GEMIN7: variants seen among roughly 807,000 people sequenced by gnomAD.
The protein encoded by GEMIN7 is gem-associated protein 7.
Under a neutral mutation model 7.8 loss-of-function variants are expected in GEMIN7, and 7 were observed. The observed-to-expected ratio is 0.90, with a 90% CI of 0.51 to 1.69. The LOEUF (loss-of-function observed/expected upper bound fraction) is 1.69, where lower values mean the gene tolerates loss of function less well. Among genes scored for constraint, GEMIN7 ranks in the 40% most tolerant of loss-of-function variants. GEMIN7 has a pLI of 0.00. For missense variants in GEMIN7, 159 were observed against 176.2 expected, an observed-to-expected ratio of 0.90 and a Z score of 0.55; for synonymous variants, 68 against 72.4, an observed-to-expected ratio of 0.94 and a Z score of 0.31.
chr19:45,089,102 C>T (rs1257380049), intron 2 of GEMIN7, among the ~76,000 whole-genome samples: 1 of 152,088 alleles, frequency 6.6e-6, no homozygotes, highest in Non-Finnish European at 1.5e-5. Context: ...ACACCACACC[C>T]GGCTAATTTT....
upstream of GEMIN7, among the ~76,000 whole-genome samples, chr19:45,077,907 TTAAA>T (rs1967388172): frequency 1.3e-5 from 2 of 152,152 alleles, no homozygotes; most frequent in Admixed American, 1.3e-4. Flanking sequence ...AAAATTATTT[TTAAA>T]TAGAGACAGG....
chr19:45,090,307 C>A lies in GEMIN7; in HGVS notation c.193C>A (p.Arg65Ser), dbSNP rs977717051. The change falls in exon 3 of 3, where the codon CGT becomes AGT. Residue 65 changes from arginine to serine, a missense_variant. Transcript: ENST00000270257. ...GCGGGCACGAGCCGCCCTTCGGGAG[C>A]GTTACCTCCGCAGCCTGCTGGCCAT... Reference protein sequence around the residue: ...EQRARAALRERYLRSLLAMVG... With the variant: ...EQRARAALRESYLRSLLAMVG... The A allele has an allele frequency of 1.2e-6, 2 of 1,614,052 alleles. No homozygotes were observed. Among genetic ancestry groups the A allele is most frequent in the Non-Finnish European group, 1.7e-6 (2 of 1,180,044 alleles).
At chr19:45,078,097 C>CTTTTTTTTTTTT (rs57149861), upstream of GEMIN7, among the ~76,000 whole-genome samples, 1 of 96,656 alleles carries the variant, frequency 1.0e-5, no homozygotes, top group African/African-American at 4.3e-5. Context: ...TTATTTTACT[C>CTTTTTTTTTTTT]TTTTTTTTTT....
At chr19:45,083,816 C>T (rs1335181057) in intron 2 of GEMIN7, among the ~76,000 whole-genome samples, 1 of 151,756 alleles carries the variant, frequency 6.6e-6, no homozygotes, top group Non-Finnish European at 1.5e-5. Flanking sequence ...CCAAGCTGGT[C>T]TCAAATTCCT....
intron 2 of GEMIN7, among the ~76,000 whole-genome samples, chr19:45,082,289 T>A (rs1967529350): frequency 6.6e-6 from 1 of 152,234 alleles, no homozygotes; most frequent in East Asian, 1.9e-4. Context: ...TCCTTCTGAC[T>A]GGAATCTCCA....
At chr19:45,081,285 C>T (rs1967495432) in intron 2 of GEMIN7, among the ~76,000 whole-genome samples, 4 of 152,048 alleles carry the variant, frequency 2.6e-5, no homozygotes, top group African/African-American at 7.2e-5. Flanking sequence ...GGCCAAACCG[C>T]GTCTCTACTA....
intron 2 of GEMIN7, among the ~76,000 whole-genome samples, chr19:45,089,183 T>C (rs1344089930): frequency 2.6e-5 from 4 of 151,934 alleles, no homozygotes; most frequent in Non-Finnish European, 5.9e-5. Flanking sequence ...CTCAAGTGAT[T>C]CGCCCACCTT....
chr19:45,083,251 C>T (rs1404737296), intron 2 of GEMIN7, among the ~76,000 whole-genome samples: 1 of 152,186 alleles, frequency 6.6e-6, no homozygotes, highest in African/African-American at 2.4e-5. Context: ...AGATGTAGAC[C>T]AGCCTGGCCA....
chr19:45,087,741 A>G (rs1889696148), intron 2 of GEMIN7, among the ~76,000 whole-genome samples: 1 of 152,028 alleles, frequency 6.6e-6, no homozygotes. Context: ...GAGGGATATG[A>G]TCTGACTCAG....
chr19:45,090,658 C>A lies in GEMIN7; in HGVS notation c.*148C>A. The A allele has an allele frequency of 1.5e-6, 1 of 680,108 alleles. No homozygotes were observed. Among genetic ancestry groups the A allele is most frequent in the African/African-American group, 1.8e-5 (1 of 55,242 alleles). The allele number at this position is 680,108 out of a possible 1,614,324, so 42.1% of individuals were successfully genotyped here. On this transcript the variant is annotated 3_prime_UTR_variant, in exon 3 of 3. Transcript: ENST00000270257. ...TTTAAGCAAGTCTGGACTCCTGAGA[C>A]CTCCTGGGTCTAGTCAGTAAAATTC...
In GEMIN7 at chr19:45,091,160, G is replaced by A. The variant is rs1600148550; in HGVS notation, c.*650G>A. The A allele has an allele frequency of 6.0e-6, 1 of 167,300 alleles. No homozygotes were observed. Among genetic ancestry groups the A allele is most frequent in the South Asian group, 2.1e-4 (1 of 4,860 alleles). The allele number at this position is 167,300 out of a possible 1,614,324, so 10.4% of individuals were successfully genotyped here. A position where few individuals can be genotyped will look rare whatever the true frequency, so the allele number is the denominator to read the frequency against. On this transcript the variant is annotated 3_prime_UTR_variant, in exon 3 of 3. Transcript: ENST00000270257. ...TGGGGCGGGCGGTGGCTCGTGCTGG[G>A]TCACGTGGTCGTGCCCAAGCGCTCC...
At chr19:45,076,263 C>G, upstream of GEMIN7, 2 of 1,499,230 alleles carry the variant, frequency 1.3e-6, no homozygotes, top group Non-Finnish European at 1.8e-6. The surrounding 1 kb of genome is among the most constrained non-coding windows in gnomAD (Gnocchi z 4.9). Flanking sequence ...GCGCGTCTGG[C>G]TCGGGCTTGA....
chr19:45,089,170 G>A (rs1967807708), intron 2 of GEMIN7, among the ~76,000 whole-genome samples: 1 of 152,000 alleles, frequency 6.6e-6, no homozygotes, highest in Non-Finnish European at 1.5e-5. Flanking sequence ...TCGAATTCCT[G>A]ACCTCAAGTG....
intron 2 of GEMIN7, among the ~76,000 whole-genome samples, chr19:45,084,017 C>A (rs1967592017): frequency 6.6e-6 from 1 of 151,542 alleles, no homozygotes; most frequent in Admixed American, 6.6e-5. Context: ...TCAAGACCAG[C>A]CTGGCCAACA....
At chr19:45,089,612 C>A (rs977594066) in intron 2 of GEMIN7, among the ~76,000 whole-genome samples, 1 of 152,202 alleles carries the variant, frequency 6.6e-6, no homozygotes, top group Non-Finnish European at 1.5e-5. Context: ...TTACAGCTCA[C>A]TGCAGCCTCC....
upstream of GEMIN7, chr19:45,076,404 G>T (rs1291081565): frequency 1.9e-5 from 23 of 1,226,416 alleles, no homozygotes; most frequent in Non-Finnish European, 2.3e-5. This position sits in a 1 kb window ranked among gnomAD's most constrained non-coding sequence, Gnocchi z 4.9. Context: ...GAGCGGGCGG[G>T]CAGGCAGGCA....
At position 45,090,390 on chromosome 19, in the gene GEMIN7, T is replaced by G; in HGVS notation, c.276T>G (p.Phe92Leu). The G allele has an allele frequency of 2.5e-6, 4 of 1,614,168 alleles. No individual in the cohort carries two copies. The highest frequency in any genetic ancestry group is 3.4e-6 in the Non-Finnish European group (4 of 1,180,038). The change falls in exon 3 of 3, where the codon TTT (phenylalanine) becomes TTG (leucine). Residue 92 changes from phenylalanine to leucine, a missense_variant. By Grantham distance (22) the Phe-to-Leu change is conservative. Transcript: ENST00000270257. ...LHEGVRVAAH[F>L]GATDLDVANF... ...AGGGTGTGCGTGTGGCCGCCCACTT[T>G]GGAGCCACCGACCTGGATGTGGCCA...
chr19:45,078,600 T>TA (rs1055784808), upstream of GEMIN7, among the ~76,000 whole-genome samples: 121 of 152,326 alleles, frequency 7.9e-4, no homozygotes, highest in African/African-American at 2.8e-3. Context: ...TGTCTGATGA[T>TA]ATTCTTTCAA....
At chr19:45,077,457 T>A (rs143258516), upstream of GEMIN7, among the ~76,000 whole-genome samples, 112 of 152,184 alleles carry the variant, frequency 7.4e-4, no homozygotes, top group Non-Finnish European at 9.9e-4. Context: ...CAATCCCTGA[T>A]GAGTATTCTT....
Sources: gnomAD v4.1 joint callset for allele counts (sites outside exome capture counted in the v4.1 genomes callset) on GRCh38, gnomAD v4.1.1 for gene constraint, Gnocchi (gnomAD v3.1) non-coding constraint, MANE v1.5 for transcripts, NCBI Gene and HGNC (gene_info 2026-07-23, HGNC 2026-07-21) for gene names.